WDR11: variants seen among roughly 807,000 people sequenced by gnomAD.
WDR11 encodes WD repeat-containing protein 11.
In WDR11, 83 loss-of-function variants were observed where a neutral mutation model predicts 151.2. The observed-to-expected ratio is 0.55, with a 90% confidence interval of 0.46 to 0.66. The LOEUF is 0.66. Among genes scored for constraint, WDR11 ranks in the 30% least tolerant of loss-of-function variants. The pLI is 0.00. For missense variants in WDR11, 1,301 were observed against 1,480.9 expected (o/e 0.88, Z 1.99); for synonymous variants, 484 against 533.1 (o/e 0.91, Z 1.27).
At position 120,865,725 on chromosome 10, in the gene WDR11, C is replaced by T. The variant is rs1846290096; in HGVS notation, c.975C>T (p.Thr325=). The part of the protein sequence containing the change: ...RVRRSYNNIF[T]TSNEEPDPDP... ...GAAGATCTTATAATAACATTTTTAC[C>T]ACTTCAAATGAGGAACCAGGTGAGT... is the stretch of plus-strand genomic sequence containing the variant. The change falls in exon 7 of 29, where the codon ACC becomes ACT. Residue 325 remains threonine (T), a synonymous_variant. Coordinates refer to ENST00000263461, the MANE Select transcript of WDR11 (RefSeq NM_018117.12). The T allele has an allele frequency of 3.7e-6, 6 of 1,603,978 alleles. No homozygotes were observed. The highest frequency in any genetic ancestry group is 1.7e-5 in the Admixed American group (1 of 59,902).
At chr10:120,861,757 C>T (rs961298493) in intron 4 of WDR11, among the ~76,000 whole-genome samples, 7 of 151,854 alleles carry the variant, frequency 4.6e-5, no homozygotes, top group Non-Finnish European at 8.8e-5. Context: ...TTTTTCTGCT[C>T]ATGTCTTCCA....
intron 7 of WDR11, among the ~76,000 whole-genome samples, chr10:120,865,975 G>T (rs540839741): frequency 6.6e-6 from 1 of 151,180 alleles, no homozygotes; most frequent in East Asian, 1.9e-4. Context: ...TGTGTTTCTT[G>T]ATCATATCCA....
intron 2 of WDR11, among the ~76,000 whole-genome samples, chr10:120,857,765 G>A (rs937851729): frequency 1.3e-5 from 2 of 152,096 alleles, no homozygotes; most frequent in Admixed American, 6.5e-5. Flanking sequence ...TAGATTTGTG[G>A]TATTTAAATC....
Position 120,866,676 on chromosome 10 carries a change from G to A in WDR11, c.1102G>A (p.Glu368Lys). Residue 368 changes from glutamate to lysine, a missense_variant, in exon 8 of 29, where the codon GAG becomes AAG. Glu to Lys is a moderately conservative substitution (Grantham distance 56). This residue lies in a region of WDR11 where 692 missense variants were observed against 762.5 expected (regional missense o/e 0.91). Transcript: ENST00000263461. ...PFSMVCCPVN[E>K]NAAALVVSDG... The stretch of plus-strand genomic sequence containing the variant: ...CAGTATGGTGTGCTGTCCTGTCAAT[G>A]AGAATGCAGCCGCCCTCGTAGTGAG... The A allele has an allele frequency of 6.2e-7, 1 of 1,614,194 alleles. No individual in the cohort carries two copies. The highest frequency in any genetic ancestry group is 1.7e-5 in the Admixed American group (1 of 60,012).
chr10:120,866,597 T>C lies in WDR11; in HGVS notation c.1023T>C (p.Tyr341=), dbSNP rs1256077233. ...PDPDPVQELT[Y]DLRSQCDAIR... is the part of the protein sequence containing the mutation. ...CAGATCCAGTTCAGGAGCTTACCTA[T>C]GATTTACGAAGCCAGTGTGATGCAA... Residue 341 remains tyrosine (Y), a synonymous_variant, in exon 8 of 29, where the codon TAT becomes TAC. Coordinates refer to ENST00000263461, the MANE Select transcript of WDR11 (RefSeq NM_018117.12). 6 of 1,614,074 alleles carry C rather than the reference T, an allele frequency of 3.7e-6. No individual in the cohort carries two copies. The highest frequency in any genetic ancestry group is 5.1e-6 in the Non-Finnish European group (6 of 1,180,044).
Position 120,890,001 on chromosome 10 carries a change from A to C in WDR11, c.2335A>C (p.Thr779Pro). The C allele has an allele frequency of 6.2e-7, 1 of 1,603,570 alleles. No individual in the cohort carries two copies. Among genetic ancestry groups the C allele is most frequent in the Non-Finnish European group, 8.5e-7 (1 of 1,170,530 alleles). ...MYNDGAEVWD[T>P]KEVQMVSSLR... is the part of the protein sequence containing the mutation. ...CAATGATGGAGCTGAAGTGTGGGATACTAAAGAGGTAGGCCCTCTCCATGA... is the reference window on the plus strand; with the variant it reads ...CAATGATGGAGCTGAAGTGTGGGATCCTAAAGAGGTAGGCCCTCTCCATGA... The change falls in exon 18 of 29, where the codon ACT (threonine) becomes CCT (proline). Residue 779 changes from threonine to proline, a missense_variant. Physicochemically the swap from Thr to Pro is conservative, Grantham distance 38. This residue lies in a region of WDR11 where 589 missense variants were observed against 670.6 expected (regional missense o/e 0.88). Coordinates refer to ENST00000263461, the MANE Select transcript of WDR11 (RefSeq NM_018117.12).
In WDR11 at chr10:120,858,657, G is replaced by C; in HGVS notation, c.213G>C (p.Arg71Ser). Residue 71 changes from arginine (R) to serine (S), a missense_variant, in exon 3 of 29, where the codon AGG (arginine) becomes AGC (serine). Physicochemically the swap from Arg to Ser is moderately radical, Grantham distance 110. Coordinates refer to ENST00000263461, the MANE Select transcript of WDR11 (RefSeq NM_018117.12). The part of the protein sequence containing the change: ...KADVVKVKWA[R>S]ENYHHNIGSP... Reference sequence around the variant, plus strand: ...TCTTGATACAGGTTAAATGGGCCAGGGAAAACTATCACCATAACATTGGCT... The same window carrying C: ...TCTTGATACAGGTTAAATGGGCCAGCGAAAACTATCACCATAACATTGGCT... 1 of 1,614,178 alleles carries C rather than the reference G, an allele frequency of 6.2e-7. No individual in the cohort carries two copies.
At chr10:120,881,782 A>G (rs1313717431) in intron 13 of WDR11, among the ~76,000 whole-genome samples, 1 of 152,092 alleles carries the variant, frequency 6.6e-6, no homozygotes, top group Non-Finnish European at 1.5e-5. Context: ...AGGATTTTCT[A>G]TAGAGACAGT....
intron 2 of WDR11, among the ~76,000 whole-genome samples, chr10:120,853,945 T>C (rs80315373): frequency 0.017 from 2,559 of 152,328 alleles, 20 homozygotes; most frequent in African/African-American, 0.027. Flanking sequence ...ATGCCTGTAA[T>C]ATATTGCATT....
chr10:120,892,504 C>T (rs1480546308), intron 19 of WDR11, among the ~76,000 whole-genome samples: 2 of 152,102 alleles, frequency 1.3e-5, no homozygotes, highest in Admixed American at 1.3e-4. Context: ...GTGTGTTCAC[C>T]TCCAGATTCA....
At chr10:120,853,960 T>C (rs148689029) in intron 2 of WDR11, among the ~76,000 whole-genome samples, 1 of 152,314 alleles carries the variant, frequency 6.6e-6, no homozygotes, top group African/African-American at 2.4e-5. Context: ...TGCATTATAG[T>C]GATCCGGGCT....
chr10:120,870,620 ATTTG>A (rs1206860881), intron 9 of WDR11, among the ~76,000 whole-genome samples: 1 of 152,158 alleles, frequency 6.6e-6, no homozygotes, highest in Non-Finnish European at 1.5e-5. Context: ...ATATATTTGT[ATTTG>A]TTTTATATTT....
intron 26 of WDR11, 113 bp from the exon 27 acceptor site, chr10:120,905,763 C>T: frequency 6.3e-7 from 1 of 1,586,116 alleles, no homozygotes. Context: ...GTGTGCTAGT[C>T]AAGCAGAGCA....
At chr10:120,852,658 G>T (rs186618703) in intron 2 of WDR11, 23 bp downstream of exon 2, 2 of 1,585,554 alleles carry the variant, frequency 1.3e-6, no homozygotes, top group Non-Finnish European at 1.7e-6. Context: ...CCACTTTGAC[G>T]CTAACATGTT....
At chr10:120,874,103 T>G (rs11199616) in intron 11 of WDR11, among the ~76,000 whole-genome samples, 180 bp downstream of exon 11, 3 of 151,848 alleles carry the variant, frequency 2.0e-5, no homozygotes, top group Non-Finnish European at 4.4e-5. Context: ...TTCTTTGCTG[T>G]GTAAAGAACA....
chr10:120,874,026 T>C lies in WDR11; in HGVS notation c.1556+103T>C, dbSNP rs1306951264. On this transcript the variant is annotated intron_variant, in intron 11 of 28. Coordinates refer to ENST00000263461, the MANE Select transcript of WDR11 (RefSeq NM_018117.12). Reference sequence around the variant, plus strand: ...TACTCTGTAATATCTGCAGTGGTGATTATTTGAAAAGTTTGAATAATATTC... The same window carrying C: ...TACTCTGTAATATCTGCAGTGGTGACTATTTGAAAAGTTTGAATAATATTC... 1.3e-5 allele frequency: 10 copies of C among 769,822 alleles called. No homozygotes were observed. The East Asian group carries it at 2.5e-4, about 19-fold the overall frequency. The allele number at this position is 769,822 out of a possible 1,614,324, so 47.7% of individuals were successfully genotyped here. A position where few individuals can be genotyped will look rare whatever the true frequency, so the allele number is the denominator to read the frequency against.
intron 4 of WDR11, chr10:120,862,408 G>T (rs1257017003): frequency 6.0e-5 from 14 of 234,548 alleles, no homozygotes; most frequent in African/African-American, 9.4e-5. Flanking sequence ...AAAGTGCTGG[G>T]ATAATAAGGA....
chr10:120,868,444 G>A (rs775849698), intron 9 of WDR11, among the ~76,000 whole-genome samples: 8 of 151,966 alleles, frequency 5.3e-5, no homozygotes, highest in African/African-American at 1.2e-4. Context: ...GCAACAGAGC[G>A]AGACTCGATC....
intron 10 of WDR11, among the ~76,000 whole-genome samples, chr10:120,872,945 T>C (rs1366639821): frequency 6.6e-6 from 1 of 152,170 alleles, no homozygotes; most frequent in Non-Finnish European, 1.5e-5. Flanking sequence ...CATTAATCTT[T>C]AAATCATGTG....
Sources: gnomAD v4.1 joint callset for allele counts (sites outside exome capture counted in the v4.1 genomes callset) on GRCh38, gnomAD v4.1.1 for gene constraint, gnomAD v4.1.1 regional missense constraint, MANE v1.5 for transcripts, NCBI Gene and HGNC (gene_info 2026-07-23, HGNC 2026-07-21) for gene names.